TNFRSF10B: variants seen among roughly 807,000 people sequenced by gnomAD.
The protein encoded by TNFRSF10B is tumor necrosis factor receptor superfamily member 10B.
TNFRSF10B carries 35 observed loss-of-function variants against 41.4 expected under a neutral mutation model. That is an observed-to-expected ratio of 0.85 (90% CI 0.65 to 1.12). TNFRSF10B has a LOEUF of 1.12. Ranked by LOEUF, TNFRSF10B falls within the 50% of genes most tolerant of loss-of-function variation. The probability of loss-of-function intolerance (pLI) is 0.00; values close to 1 mark genes in which losing one functional copy is unlikely to be tolerated. For missense variants in TNFRSF10B, 584 were observed against 552.7 expected, an observed-to-expected ratio of 1.06 and a Z score of -0.57; for synonymous variants, 230 against 215.5, an observed-to-expected ratio of 1.07 and a Z score of -0.59.
chr8:23,044,461 TCAA>T (rs756002541), intron 1 of TNFRSF10B, among the ~76,000 whole-genome samples: 4 of 151,740 alleles, frequency 2.6e-5, no homozygotes, highest in Admixed American at 6.6e-5. Context: ...AAACTCCAAC[TCAA>T]CAACAACAAC....
intron 2 of TNFRSF10B, among the ~76,000 whole-genome samples, chr8:23,036,717 C>T (rs555216576): frequency 1.3e-5 from 2 of 152,260 alleles, no homozygotes; most frequent in African/African-American, 4.8e-5. Flanking sequence ...GTGGCACATG[C>T]CTGTAATCCC....
At chr8:23,032,149 C>A (rs928410739) in intron 2 of TNFRSF10B, among the ~76,000 whole-genome samples, 8 of 152,158 alleles carry the variant, frequency 5.3e-5, no homozygotes, top group African/African-American at 1.9e-4. Flanking sequence ...TCGTGATCCA[C>A]CTGCCTCACA....
rs776653497 is a variant in TNFRSF10B at position 23,048,427 on chromosome 8, A to G, written c.145-5184T>C. ...CGACAGCCTGGGCAACAAAAGTGAA[A>G]TTTTTGTGTCAAAAAAAAAAAAAAA... On this transcript the variant is annotated intron_variant, in intron 1 of 8. Coordinates refer to ENST00000276431, the MANE Select transcript of TNFRSF10B (RefSeq NM_003842.5). 5.0e-4 allele frequency among the ~76,000 whole-genome samples: 66 copies of G among 132,644 alleles called. 1 individual carries two copies. Among genetic ancestry groups the G allele is most frequent in the Non-Finnish European group, 9.6e-4 (61 of 63,290 alleles). The allele number at this position is 132,644 out of a possible 152,430, so 87.0% of individuals were successfully genotyped here.
At chr8:23,034,264 C>A (rs1309217334) in intron 2 of TNFRSF10B, among the ~76,000 whole-genome samples, 4 of 152,142 alleles carry the variant, frequency 2.6e-5, no homozygotes, top group Non-Finnish European at 4.4e-5. Context: ...GTCCCCACAC[C>A]CATCCTGTCT....
chr8:23,042,235 C>A (rs1410127914), intron 2 of TNFRSF10B, among the ~76,000 whole-genome samples: 1 of 152,250 alleles, frequency 6.6e-6, no homozygotes, highest in Non-Finnish European at 1.5e-5. Flanking sequence ...TGCTCTGCTC[C>A]TGGCAAGCCC....
At position 23,020,162 on chromosome 8, in the gene TNFRSF10B, G is replaced by T; in HGVS notation, c.*2509C>A. On this transcript the variant is annotated 3_prime_UTR_variant, in exon 9 of 9. Coordinates refer to ENST00000276431, the MANE Select transcript of TNFRSF10B (RefSeq NM_003842.5). ...TATATAAGGTTTCATATTTAATTTG[G>T]TCATGGATTCATAAATACATAAGTA... 2 of 412,326 alleles carry T rather than the reference G, an allele frequency of 4.9e-6. No homozygotes were observed. Among genetic ancestry groups the T allele is most frequent in the South Asian group, 3.5e-5 (2 of 57,804 alleles). 25.5% of individuals were successfully genotyped at this position (412,326 alleles called of 1,614,324 possible).
At chr8:23,034,437 G>T (rs999870965) in intron 2 of TNFRSF10B, among the ~76,000 whole-genome samples, 61 of 152,322 alleles carry the variant, frequency 4.0e-4, no homozygotes, top group African/African-American at 1.3e-3. Context: ...TAAATCAAAA[G>T]CAATACCAGA....
chr8:23,024,397 C>T, intron 7 of TNFRSF10B, 137 bp from the exon 8 acceptor site: 1 of 927,972 alleles, frequency 1.1e-6, no homozygotes, highest in South Asian at 1.4e-5. Context: ...GGCAACAAGA[C>T]AGGAGACAAA....
intron 2 of TNFRSF10B, among the ~76,000 whole-genome samples, chr8:23,038,502 G>A (rs146352697): frequency 1.3e-5 from 2 of 152,264 alleles, no homozygotes; most frequent in African/African-American, 2.4e-5. Flanking sequence ...TATGTTAAGC[G>A]AATATCTGTG....
At chr8:23,065,911 A>G (rs976111036) in intron 1 of TNFRSF10B, among the ~76,000 whole-genome samples, 2 of 152,228 alleles carry the variant, frequency 1.3e-5, no homozygotes, top group African/African-American at 4.8e-5. Flanking sequence ...GATAGATTAA[A>G]TAACTTAAAA....
At position 23,050,694 on chromosome 8, in the gene TNFRSF10B, T is replaced by C. The variant is rs534008197; in HGVS notation, c.145-7451A>G. ...TTGGGAAAAAATTGTTTAAGTGCAC[T>C]GTAAAAGCATCACATGGTCTAGCCT... On this transcript the variant is annotated intron_variant, in intron 1 of 8. Transcript: ENST00000276431. 2.0e-5 allele frequency among the ~76,000 whole-genome samples: 3 copies of C among 152,352 alleles called. 1 individual carries two copies. The South Asian group carries it at 6.2e-4, about 32-fold the overall frequency.
At chr8:23,054,192 T>C (rs1812599261) in intron 1 of TNFRSF10B, among the ~76,000 whole-genome samples, 1 of 151,272 alleles carries the variant, frequency 6.6e-6, no homozygotes, top group African/African-American at 2.4e-5. Flanking sequence ...AGGAAAAACG[T>C]TGATGACTCT....
chr8:23,036,194 C>T (rs1812025573), intron 2 of TNFRSF10B, among the ~76,000 whole-genome samples: 1 of 152,184 alleles, frequency 6.6e-6, no homozygotes, highest in Non-Finnish European at 1.5e-5. Flanking sequence ...CCTGACTGCT[C>T]ATCGTGAACT....
intron 1 of TNFRSF10B, among the ~76,000 whole-genome samples, chr8:23,044,845 G>GA (rs1270916019): frequency 1.3e-5 from 2 of 151,564 alleles, no homozygotes; most frequent in Admixed American, 6.6e-5. Flanking sequence ...TTAGTTTTTT[G>GA]AAAAAATAAA....
At position 23,020,599 on chromosome 8, in the gene TNFRSF10B, C is replaced by T. The variant is rs1388994083; in HGVS notation, c.*2072G>A. ...CCCAGCTACTCCGGAGGCTGAGGCA[C>T]GAGAATCGCTTGAACCCAGGAGGCG... On this transcript the variant is annotated 3_prime_UTR_variant, in exon 9 of 9. Coordinates refer to ENST00000276431, the MANE Select transcript of TNFRSF10B (RefSeq NM_003842.5). The T allele has an allele frequency of 8.9e-6, 4 of 448,986 alleles. No individual in the cohort carries two copies. The highest frequency in any genetic ancestry group is 7.0e-5 in the East Asian group (1 of 14,316). 27.8% of individuals were successfully genotyped at this position (448,986 alleles called of 1,614,324 possible). A position where few individuals can be genotyped will look rare whatever the true frequency, so the allele number is the denominator to read the frequency against.
intron 1 of TNFRSF10B, chr8:23,068,510 A>T: frequency 1.7e-6 from 1 of 591,714 alleles, no homozygotes; most frequent in Non-Finnish European, 2.9e-6. Context: ...GCCCTCCCCC[A>T]CTGGATTCGG....
chr8:23,037,598 T>C (rs1170736861), intron 2 of TNFRSF10B, among the ~76,000 whole-genome samples: 1 of 152,202 alleles, frequency 6.6e-6, no homozygotes, highest in African/African-American at 2.4e-5. Flanking sequence ...ACTCACTTGA[T>C]GGCAAATGAA....
chr8:23,065,327 G>A (rs180747062), intron 1 of TNFRSF10B, among the ~76,000 whole-genome samples: 1 of 152,230 alleles, frequency 6.6e-6, no homozygotes, highest in Non-Finnish European at 1.5e-5. Flanking sequence ...ACCCTGTAGA[G>A]CTCTGTAGTC....
intron 5 of TNFRSF10B, 145 bp downstream of exon 5, chr8:23,028,186 A>G (rs1396558878): frequency 1.8e-6 from 2 of 1,091,986 alleles, no homozygotes; most frequent in Middle Eastern, 2.9e-4. Flanking sequence ...GGATGTGGGG[A>G]TGGGGGTGAC....
Sources: allele counts gnomAD v4.1 joint callset (sites outside exome capture counted in the v4.1 genomes callset), GRCh38; gene constraint gnomAD v4.1.1; transcripts MANE v1.5; gene names NCBI Gene and HGNC (gene_info 2026-07-23, HGNC 2026-07-21).